TAFA5: variants seen among roughly 807,000 people sequenced by gnomAD.
TAFA5 encodes TAFA chemokine like family member 5.
TAFA5 carries 6 observed loss-of-function variants against 15.3 expected under a neutral mutation model. The observed-to-expected ratio is 0.39, with a 90% CI of 0.21 to 0.77. TAFA5 has a LOEUF of 0.77. TAFA5 is among the 30% of genes least tolerant of loss of function. The pLI is 0.41. For synonymous variants in TAFA5, 103 were observed against 80.7 expected (o/e 1.28, Z -1.48); for missense variants, 161 against 193.1 (o/e 0.83, Z 0.98).
intron 3 of TAFA5, among the ~76,000 whole-genome samples, chr22:48,726,451 A>G (rs958936294): frequency 1.3e-5 from 2 of 152,126 alleles, no homozygotes; most frequent in African/African-American, 4.8e-5. Context: ...GGTAGTCTGG[A>G]CGGGAGAATC....
At chr22:48,584,594 ACACAC>A (rs1415886969) in intron 1 of TAFA5, among the ~76,000 whole-genome samples, 5 of 149,376 alleles carry the variant, frequency 3.3e-5, no homozygotes, top group African/African-American at 9.9e-5. Context: ...TACACCTCAC[ACACAC>A]CACACCACAC....
chr22:48,552,666 T>G lies in TAFA5; in HGVS notation c.112+62962T>G, dbSNP rs1254010814. 1.3e-5 allele frequency among the ~76,000 whole-genome samples: 2 copies of G among 152,266 alleles called. No homozygotes were observed. Among genetic ancestry groups the G allele is most frequent in the East Asian group, 3.9e-4 (2 of 5,178 alleles). On this transcript the variant is annotated intron_variant, in intron 1 of 3. Transcript: ENST00000402357. The surrounding 1 kb of genome is among the most constrained non-coding windows in gnomAD (Gnocchi z 4.1). Reference sequence around the variant, plus strand: ...CCCCTTCCAGAGGGGCCCCTGTAGATTAGCTCAGCTTACTTGATTCATTGA... The same window carrying G: ...CCCCTTCCAGAGGGGCCCCTGTAGAGTAGCTCAGCTTACTTGATTCATTGA...
chr22:48,506,311 A>G (rs1483828833), intron 1 of TAFA5, among the ~76,000 whole-genome samples: 3 of 152,212 alleles, frequency 2.0e-5, no homozygotes, highest in South Asian at 2.1e-4. Flanking sequence ...AGCCGGGAAC[A>G]TGGGGTCCAG....
intron 1 of TAFA5, among the ~76,000 whole-genome samples, chr22:48,523,274 G>T (rs1921668556): frequency 6.6e-6 from 1 of 152,214 alleles, no homozygotes. Context: ...GACAGGGCTG[G>T]TGGGCCGGCG....
chr22:48,672,731 G>A (rs1403951934), intron 2 of TAFA5, among the ~76,000 whole-genome samples: 1 of 152,192 alleles, frequency 6.6e-6, no homozygotes, highest in African/African-American at 2.4e-5. Flanking sequence ...ATCTAGGTAT[G>A]TTGACACCTT....
At chr22:48,621,973 C>T (rs1925853701) in intron 1 of TAFA5, among the ~76,000 whole-genome samples, 1 of 152,144 alleles carries the variant, frequency 6.6e-6, no homozygotes, top group Admixed American at 6.5e-5. Context: ...TGGGCTCTCG[C>T]TGGCTAGTGA....
At chr22:48,745,381 G>C (rs940295707) in intron 3 of TAFA5, among the ~76,000 whole-genome samples, 1 of 148,952 alleles carries the variant, frequency 6.7e-6, no homozygotes, top group African/African-American at 2.5e-5. Flanking sequence ...TGGCCTGCCC[G>C]GGGTTCACCC....
intron 1 of TAFA5, among the ~76,000 whole-genome samples, chr22:48,588,595 G>A (rs1924444795): frequency 6.6e-6 from 1 of 152,158 alleles, no homozygotes; most frequent in Admixed American, 6.5e-5. Flanking sequence ...GGTGGCTGCT[G>A]GGTATCGGGG....
At chr22:48,507,469 C>T (rs1056827730) in intron 1 of TAFA5, among the ~76,000 whole-genome samples, 9 of 152,216 alleles carry the variant, frequency 5.9e-5, no homozygotes, top group African/African-American at 1.7e-4. Context: ...GACGTGGTGG[C>T]GTCTGCCTGG....
chr22:48,614,007 C>T (rs28659872), intron 1 of TAFA5, among the ~76,000 whole-genome samples: 19,343 of 152,236 alleles, frequency 0.13, 1,462 homozygotes, highest in East Asian at 0.33. Flanking sequence ...AAGCCGCTCG[C>T]GAGCATGTGG....
chr22:48,589,084 A>G (rs1003059071), intron 1 of TAFA5, among the ~76,000 whole-genome samples: 3 of 152,240 alleles, frequency 2.0e-5, no homozygotes, highest in African/African-American at 7.2e-5. Flanking sequence ...ATCCATCTTC[A>G]GACCCTCCTG....
At chr22:48,707,992 C>T (rs1313994899) in intron 3 of TAFA5, 148 bp downstream of exon 3, 4 of 1,073,180 alleles carry the variant, frequency 3.7e-6, no homozygotes, top group African/African-American at 1.6e-5. Flanking sequence ...TCCTCCCCCA[C>T]CTCCCTCTCT....
At chr22:48,635,730 G>A (rs1926421422) in intron 1 of TAFA5, among the ~76,000 whole-genome samples, 1 of 152,196 alleles carries the variant, frequency 6.6e-6, no homozygotes, top group African/African-American at 2.4e-5. Context: ...GAAGGAAGGG[G>A]TTTCTGGGGG....
chr22:48,733,941 A>G (rs76769166), intron 3 of TAFA5, among the ~76,000 whole-genome samples: 11 of 152,140 alleles, frequency 7.2e-5, no homozygotes, highest in Admixed American at 2.0e-4. Flanking sequence ...CCCACCTGCC[A>G]AGAGCTGGAA....
At chr22:48,499,284 C>T (rs1036183421) in intron 1 of TAFA5, among the ~76,000 whole-genome samples, 4 of 152,202 alleles carry the variant, frequency 2.6e-5, no homozygotes, top group African/African-American at 4.8e-5. Flanking sequence ...CCGACGGCGG[C>T]GCCCATCAGC....
chr22:48,612,193 G>T (rs1925432935), intron 1 of TAFA5, among the ~76,000 whole-genome samples: 1 of 152,112 alleles, frequency 6.6e-6, no homozygotes, highest in South Asian at 2.1e-4. Context: ...GCCGCCCACT[G>T]GGCCTCATGC....
intron 1 of TAFA5, among the ~76,000 whole-genome samples, chr22:48,630,157 G>T (rs1405256133): frequency 6.7e-6 from 1 of 149,804 alleles, no homozygotes; most frequent in Non-Finnish European, 1.5e-5. Flanking sequence ...GAACGGGGGC[G>T]GGGGATGAGC....
intron 2 of TAFA5, among the ~76,000 whole-genome samples, chr22:48,668,784 C>T (rs1469830402): frequency 1.3e-5 from 2 of 152,252 alleles, no homozygotes; most frequent in Non-Finnish European, 2.9e-5. Flanking sequence ...CTCAGGGCCA[C>T]AGGCCGCGAT....
chr22:48,674,302 C>A (rs1393917966), intron 2 of TAFA5, among the ~76,000 whole-genome samples: 1 of 152,144 alleles, frequency 6.6e-6, no homozygotes, highest in Non-Finnish European at 1.5e-5. Flanking sequence ...CTGCCCCAGC[C>A]AGAACTCGGG....
Sources: gnomAD v4.1 joint callset for allele counts (sites outside exome capture counted in the v4.1 genomes callset) on GRCh38, gnomAD v4.1.1 for gene constraint, Gnocchi (gnomAD v3.1) non-coding constraint, MANE v1.5 for transcripts, NCBI Gene and HGNC (gene_info 2026-07-23, HGNC 2026-07-21) for gene names.